NRG1: variants seen among roughly 807,000 people sequenced by gnomAD.
NRG1 encodes pro-neuregulin-1, membrane-bound isoform.
NRG1 carries 18 observed loss-of-function variants against 63.8 expected under a neutral mutation model. The ratio of observed to expected loss-of-function variants is 0.28; its 90% CI spans 0.19 to 0.42. The LOEUF (loss-of-function observed/expected upper bound fraction) is 0.42. Among genes scored for constraint, NRG1 ranks in the 10% least tolerant of loss-of-function variants. The pLI is 1.00. For missense variants in NRG1, 762 were observed against 814.7 expected, an observed-to-expected ratio of 0.94 and a Z score of 0.79; for synonymous variants, 302 against 301.3, an observed-to-expected ratio of 1.00 and a Z score of -0.02.
chr8:32,690,317 C>T (rs1159651639), intron 5 of NRG1, among the ~76,000 whole-genome samples: 1 of 151,982 alleles, frequency 6.6e-6, no homozygotes, highest in Non-Finnish European at 1.5e-5. Context: ...TATCCCCCCG[C>T]CCCCCACAGC....
intron 6 of NRG1, among the ~76,000 whole-genome samples, chr8:32,741,012 G>A (rs191041152): frequency 1.3e-5 from 2 of 152,220 alleles, no homozygotes; most frequent in African/African-American, 4.8e-5. Context: ...CTTTCTATCT[G>A]TAAGTATATT....
intron 1 of NRG1, among the ~76,000 whole-genome samples, chr8:31,925,543 C>T (rs1442348263): frequency 6.6e-6 from 1 of 152,038 alleles, no homozygotes; most frequent in Non-Finnish European, 1.5e-5. Context: ...CCTGGATATA[C>T]TCAAATATTT....
chr8:32,350,475 T>C (rs939940451), intron 1 of NRG1, among the ~76,000 whole-genome samples: 1 of 152,152 alleles, frequency 6.6e-6, no homozygotes, highest in African/African-American at 2.4e-5. Context: ...ATTTCTGGTT[T>C]GAAAGTCAGA....
At chr8:32,705,172 G>A (rs890650732) in intron 5 of NRG1, among the ~76,000 whole-genome samples, 18 of 145,528 alleles carry the variant, frequency 1.2e-4, no homozygotes, top group East Asian at 1.0e-3. Flanking sequence ...TCGCTGTGTC[G>A]CCCAGGCTGG....
At chr8:31,742,153 A>G (rs1310540426) in intron 1 of NRG1, among the ~76,000 whole-genome samples, 1 of 152,020 alleles carries the variant, frequency 6.6e-6, no homozygotes, top group African/African-American at 2.4e-5. Context: ...AAATTCAGCA[A>G]CATAGTGTTT....
chr8:32,687,520 G>A (rs1199872358), intron 5 of NRG1, among the ~76,000 whole-genome samples: 3 of 152,168 alleles, frequency 2.0e-5, no homozygotes, highest in African/African-American at 7.2e-5. Flanking sequence ...CACCATTAGG[G>A]AGGTGATCCA....
At chr8:32,374,102 G>T (rs956652890) in intron 1 of NRG1, among the ~76,000 whole-genome samples, 2 of 152,128 alleles carry the variant, frequency 1.3e-5, no homozygotes, top group Non-Finnish European at 2.9e-5. Context: ...ACAATGTAGA[G>T]ATCAACCAGC....
chr8:32,003,211 T>C (rs1330187135), intron 1 of NRG1, among the ~76,000 whole-genome samples: 1 of 152,052 alleles, frequency 6.6e-6, no homozygotes, highest in Non-Finnish European at 1.5e-5. Context: ...TAAATATGTA[T>C]TGCAAACTCT....
chr8:32,203,816 A>G (rs1843737164), intron 1 of NRG1, among the ~76,000 whole-genome samples: 1 of 152,202 alleles, frequency 6.6e-6, no homozygotes, highest in Admixed American at 6.5e-5. Context: ...TGTACCTGCA[A>G]TCCCCATCAG....
At chr8:32,421,368 G>A (rs570234683) in intron 1 of NRG1, among the ~76,000 whole-genome samples, 3 of 152,264 alleles carry the variant, frequency 2.0e-5, no homozygotes, top group African/African-American at 7.2e-5. Flanking sequence ...CCTACTCCTG[G>A]CATACCATTT....
At chr8:32,171,611 G>A (rs1213836751) in intron 1 of NRG1, among the ~76,000 whole-genome samples, 1 of 152,182 alleles carries the variant, frequency 6.6e-6, no homozygotes, top group Admixed American at 6.5e-5. Flanking sequence ...AGAAAGGGGT[G>A]ACAGACGGCA....
intron 1 of NRG1, among the ~76,000 whole-genome samples, chr8:32,207,309 A>G (rs1486379238): frequency 6.6e-6 from 1 of 152,130 alleles, no homozygotes; most frequent in Non-Finnish European, 1.5e-5. Flanking sequence ...AAAGTAATGC[A>G]GTTTCTGCCA....
intron 1 of NRG1, among the ~76,000 whole-genome samples, chr8:31,761,840 A>C (rs115697352): frequency 0.035 from 5,323 of 152,244 alleles, 330 homozygotes; most frequent in African/African-American, 0.12. Flanking sequence ...TGTTGGAAAA[A>C]TGATGCTGAT....
At chr8:32,446,601 G>C (rs1051352848) in intron 1 of NRG1, among the ~76,000 whole-genome samples, 4 of 151,932 alleles carry the variant, frequency 2.6e-5, no homozygotes, top group African/African-American at 9.7e-5. Context: ...ATTGCAGTGA[G>C]CCAAGATTGT....
At chr8:32,384,514 A>G (rs1020858243) in intron 1 of NRG1, among the ~76,000 whole-genome samples, 1 of 152,242 alleles carries the variant, frequency 6.6e-6, no homozygotes, top group African/African-American at 2.4e-5. Flanking sequence ...ACTCTGGAGT[A>G]CTGATTAACA....
At chr8:32,640,956 C>A (rs1352329584) in intron 5 of NRG1, among the ~76,000 whole-genome samples, 1 of 151,328 alleles carries the variant, frequency 6.6e-6, no homozygotes, top group Non-Finnish European at 1.5e-5. Flanking sequence ...TGAGACCCTG[C>A]CTCTACAAAA....
intron 5 of NRG1, chr8:32,647,577 C>T: frequency 7.3e-7 from 1 of 1,377,572 alleles, no homozygotes; most frequent in South Asian, 2.0e-5. Context: ...TCTTTCTGAA[C>T]TCTTCTTGAT....
chr8:32,043,146 G>C (rs1159836880), intron 1 of NRG1, among the ~76,000 whole-genome samples: 1 of 151,686 alleles, frequency 6.6e-6, no homozygotes, highest in African/African-American at 2.4e-5. Context: ...ACATCATAAT[G>C]AAACTGCTGA....
intron 1 of NRG1, among the ~76,000 whole-genome samples, chr8:31,918,130 CA>C (rs921940678): frequency 6.6e-6 from 1 of 152,170 alleles, no homozygotes; most frequent in African/African-American, 2.4e-5. Context: ...TCTAGATATA[CA>C]ATCATGTCAT....
Sources: gnomAD v4.1 joint callset for allele counts (sites outside exome capture counted in the v4.1 genomes callset) on GRCh38, gnomAD v4.1.1 for gene constraint, MANE v1.5 for transcripts, NCBI Gene and HGNC (gene_info 2026-07-23, HGNC 2026-07-21) for gene names.